Variants in ZNF134 observed in about 807,000 individuals in gnomAD.
The protein encoded by ZNF134 is zinc finger protein 134 (clone pHZ-15).
In ZNF134, 5 loss-of-function variants were observed where a neutral mutation model predicts 2.5. The ratio of observed to expected loss-of-function variants is 2.03; its 90% CI spans 1.06 to 4.27. ZNF134 has a LOEUF of 4.27. Ranked by LOEUF, ZNF134 falls within the 30% of genes most tolerant of loss-of-function variation. ZNF134 has a pLI of 0.00. For synonymous variants in ZNF134, 176 were observed against 176.2 expected (o/e 1.00, Z 0.01); for missense variants, 540 against 517.5 (o/e 1.04, Z -0.42).
chr19:57,621,256 A>G lies in ZNF134; in HGVS notation c.1137A>G (p.Lys379=). 6.2e-7 allele frequency: 1 copy of G among 1,614,114 alleles called. No individual in the cohort carries two copies. The highest frequency in any genetic ancestry group is 2.2e-5 in the East Asian group (1 of 44,860). ...CTTTTGTGTGCAGTAAATGTGGGAA[A>G]GACTTTATCAGAACCTCCCACCTTG... The part of the protein sequence containing the change: ...ERPFVCSKCG[K]DFIRTSHLVR... Residue 379 remains lysine, a synonymous_variant, in exon 3 of 3, where the codon AAA becomes AAG. Transcript: ENST00000396161.
chr19:57,621,780 C>T lies in ZNF134; in HGVS notation c.*377C>T. The T allele has an allele frequency of 2.9e-6, 1 of 344,074 alleles. No individual in the cohort carries two copies. Among genetic ancestry groups the T allele is most frequent in the South Asian group, 2.6e-5 (1 of 38,164 alleles). The allele number at this position is 344,074 out of a possible 1,614,324, so 21.3% of individuals were successfully genotyped here. ...GAGCTGTATCTGCTGGTGGCTTATA[C>T]AAAAAGTTTACTTTCTTCATGGATA... On this transcript the variant is annotated 3_prime_UTR_variant, in exon 3 of 3. Transcript: ENST00000396161.
chr19:57,615,821 A>T lies in ZNF134; in HGVS notation c.-58+1318A>T, dbSNP rs148985610. On this transcript the variant is annotated intron_variant, in intron 1 of 2. Transcript: ENST00000396161. ...TGGCGGGGGCAATGGGTGCAAAGTG[A>T]GTAAGGGAACAGATGTGAATTATTG... is the stretch of plus-strand genomic sequence containing the variant. Among the ~76,000 whole-genome samples, 1,114 of 152,306 alleles carry T rather than the reference A, an allele frequency of 7.3e-3. 8 individuals carry two copies. Among genetic ancestry groups the T allele is most frequent in the African/African-American group, 0.025 (1,049 of 41,568 alleles).
chr19:57,616,026 A>G (rs1981043043), intron 1 of ZNF134, among the ~76,000 whole-genome samples: 1 of 152,244 alleles, frequency 6.6e-6, no homozygotes. Context: ...CCTGGCCTGC[A>G]CTGGAGACCA....
chr19:57,614,650 G>A (rs1981001692), intron 1 of ZNF134, 147 bp downstream of exon 1: 1 of 319,054 alleles, frequency 3.1e-6, no homozygotes, highest in African/African-American at 2.3e-5. Flanking sequence ...TGGCAGAGGG[G>A]CAGCCTGAGC....
intron 1 of ZNF134, among the ~76,000 whole-genome samples, chr19:57,617,673 C>G (rs1981089921): frequency 6.6e-6 from 1 of 152,068 alleles, no homozygotes; most frequent in Admixed American, 6.6e-5. Context: ...AGGGTGGCAG[C>G]CAGCATGTGG....
intron 1 of ZNF134, among the ~76,000 whole-genome samples, chr19:57,618,206 G>A (rs1203116219): frequency 6.6e-6 from 1 of 152,206 alleles, no homozygotes; most frequent in Non-Finnish European, 1.5e-5. Context: ...TTGCTGAATT[G>A]ACCCATGAAA....
intron 1 of ZNF134, among the ~76,000 whole-genome samples, chr19:57,615,167 C>G (rs966375491): frequency 6.6e-6 from 1 of 152,008 alleles, no homozygotes; most frequent in Non-Finnish European, 1.5e-5. Flanking sequence ...TCAGGGGCAT[C>G]AGGAATTGGG....
At chr19:57,616,724 C>G (rs1981060786) in intron 1 of ZNF134, among the ~76,000 whole-genome samples, 3 of 152,218 alleles carry the variant, frequency 2.0e-5, no homozygotes, top group Admixed American at 2.0e-4. Context: ...ACTGTGGGAA[C>G]CTGCCACTCC....
chr19:57,624,306 A>C lies in ZNF134; in HGVS notation c.*2903A>C, dbSNP rs957512381. On this transcript the variant is annotated 3_prime_UTR_variant, in exon 3 of 3. Coordinates refer to ENST00000396161, the MANE Select transcript of ZNF134 (RefSeq NM_003435.5). The stretch of plus-strand genomic sequence containing the variant: ...ACTAGTTTTCTAGTTTTACAGATCC[A>C]AATGAGACAGGAATAGCACTGGGTG... 2.0e-5 allele frequency: 3 copies of C among 152,200 alleles called. No individual in the cohort carries two copies. The highest frequency in any genetic ancestry group is 4.4e-5 in the Non-Finnish European group (3 of 68,046). The allele number at this position is 152,200 out of a possible 1,614,324, so 9.4% of individuals were successfully genotyped here.
In ZNF134 at chr19:57,622,370, G is replaced by C. The variant is rs1467859884; in HGVS notation, c.*967G>C. On this transcript the variant is annotated 3_prime_UTR_variant, in exon 3 of 3. Transcript: ENST00000396161. ...CTGTTGGTAAGATCTAAAGCATCCA[G>C]TAGGGAAACAAAATTGATAAATATT... 1 of 152,208 alleles carries C rather than the reference G, an allele frequency of 6.6e-6. No individual in the cohort carries two copies. The highest frequency in any genetic ancestry group is 2.4e-5 in the African/African-American group (1 of 41,450). The allele number at this position is 152,208 out of a possible 1,614,324, so 9.4% of individuals were successfully genotyped here. A position where few individuals can be genotyped will look rare whatever the true frequency, so the allele number is the denominator to read the frequency against.
chr19:57,617,658 TC>T (rs1981089536), intron 1 of ZNF134, among the ~76,000 whole-genome samples: 1 of 152,106 alleles, frequency 6.6e-6, no homozygotes, highest in Admixed American at 6.6e-5. Flanking sequence ...GTTGGAGCTA[TC>T]CACAGGGTGG....
At chr19:57,619,734 G>A (rs537445680) in intron 2 of ZNF134, 68 of 581,790 alleles carry the variant, frequency 1.2e-4, no homozygotes, top group Non-Finnish European at 1.7e-4. Context: ...CTCTCTCTGC[G>A]ATGCTTTCCA....
At position 57,623,377 on chromosome 19, in the gene ZNF134, T is replaced by C. The variant is rs1314175312; in HGVS notation, c.*1974T>C. On this transcript the variant is annotated 3_prime_UTR_variant, in exon 3 of 3. Coordinates refer to ENST00000396161, the MANE Select transcript of ZNF134 (RefSeq NM_003435.5). ...GCAAATATTGATGCATGAGTCTTTA[T>C]GTGGACACTTAGCTGAGAACATTTT... 4 of 152,226 alleles carry C rather than the reference T, an allele frequency of 2.6e-5. No individual in the cohort carries two copies. The highest frequency in any genetic ancestry group is 9.6e-5 in the African/African-American group (4 of 41,462). The allele number at this position is 152,226 out of a possible 1,614,324, so 9.4% of individuals were successfully genotyped here. A position where few individuals can be genotyped will look rare whatever the true frequency, so the allele number is the denominator to read the frequency against.
At position 57,620,679 on chromosome 19, in the gene ZNF134, G is replaced by T; in HGVS notation, c.560G>T (p.Arg187Leu). The part of the protein sequence containing the change: ...KCSECGKAFS[R>L]KDTLVQHQRI... ...AGTGAATGTGGGAAAGCTTTCAGCCGCAAAGACACACTTGTCCAGCACCAG... is the reference window on the plus strand; with the variant it reads ...AGTGAATGTGGGAAAGCTTTCAGCCTCAAAGACACACTTGTCCAGCACCAG... Residue 187 changes from arginine (R) to leucine (L), a missense_variant, in exon 3 of 3, where the codon CGC becomes CTC. Coordinates refer to ENST00000396161, the MANE Select transcript of ZNF134 (RefSeq NM_003435.5). 4 of 1,614,010 alleles carry T rather than the reference G, an allele frequency of 2.5e-6. No homozygotes were observed. Among genetic ancestry groups the T allele is most frequent in the Non-Finnish European group, 3.4e-6 (4 of 1,179,988 alleles).
Position 57,622,493 on chromosome 19 carries a change from A to G in ZNF134, c.*1090A>G, listed in dbSNP as rs1349179569. ...CAGACAGTCCAGGCACTAAGGCTGA[A>G]TGGGATCAGGGTATCCAGAAATCTC... On this transcript the variant is annotated 3_prime_UTR_variant, in exon 3 of 3. Coordinates refer to ENST00000396161, the MANE Select transcript of ZNF134 (RefSeq NM_003435.5). 1 of 152,266 alleles carries G rather than the reference A, an allele frequency of 6.6e-6. No individual in the cohort carries two copies. Among genetic ancestry groups the G allele is most frequent in the Non-Finnish European group, 1.5e-5 (1 of 68,056 alleles). 9.4% of individuals were successfully genotyped at this position (152,266 alleles called of 1,614,324 possible). A position where few individuals can be genotyped will look rare whatever the true frequency, so the allele number is the denominator to read the frequency against.
chr19:57,619,358 C>T (rs545275352), intron 1 of ZNF134, 54 bp from the exon 2 acceptor site: 1 of 1,393,900 alleles, frequency 7.2e-7, no homozygotes, highest in African/African-American at 1.4e-5. Flanking sequence ...GTGGGCTACT[C>T]TGGCTAGTGC....
At chr19:57,616,091 C>T (rs770929630) in intron 1 of ZNF134, among the ~76,000 whole-genome samples, 5 of 152,120 alleles carry the variant, frequency 3.3e-5, no homozygotes, top group South Asian at 2.1e-4. Context: ...CCTTCATGGG[C>T]GCTGCCTGTG....
rs1321375232 is a variant in ZNF134 at position 57,624,532 on chromosome 19, G to C, written c.*3129G>C. 6.6e-6 allele frequency: 1 copy of C among 152,240 alleles called. No individual in the cohort carries two copies. Among genetic ancestry groups the C allele is most frequent in the Non-Finnish European group, 1.5e-5 (1 of 68,052 alleles). 9.4% of individuals were successfully genotyped at this position (152,240 alleles called of 1,614,324 possible). ...CTTCCAGGCAAACCCAAATAAGGGA[G>C]GAGGGGTGGTAATCAGGGGTCCCTG... is the stretch of plus-strand genomic sequence containing the variant. On this transcript the variant is annotated 3_prime_UTR_variant, in exon 3 of 3. Coordinates refer to ENST00000396161, the MANE Select transcript of ZNF134 (RefSeq NM_003435.5).
At chr19:57,615,323 T>C (rs1599943480) in intron 1 of ZNF134, among the ~76,000 whole-genome samples, 1 of 151,936 alleles carries the variant, frequency 6.6e-6, no homozygotes, top group South Asian at 2.1e-4. Context: ...AGATCAGATT[T>C]AGAGGGTGGA....
Sources: gnomAD v4.1 joint callset for allele counts (sites outside exome capture counted in the v4.1 genomes callset) on GRCh38, gnomAD v4.1.1 for gene constraint, MANE v1.5 for transcripts, NCBI Gene and HGNC (gene_info 2026-07-23, HGNC 2026-07-21) for gene names.